Variants in ZNF385D observed in about 807,000 individuals in gnomAD.
ZNF385D encodes zinc finger protein 385D, also known as zinc finger protein 659.
A neutral mutation model predicts 35.8 loss-of-function variants in ZNF385D; 15 were observed. The ratio of observed to expected loss-of-function variants is 0.42; its 90% confidence interval spans 0.28 to 0.64. The LOEUF is 0.64. ZNF385D is among the 30% of genes least tolerant of loss of function. ZNF385D has a pLI of 0.23. For synonymous variants in ZNF385D, 212 were observed against 186.8 expected (o/e 1.13, Z -1.10); for missense variants, 474 against 494.6 (o/e 0.96, Z 0.39).
intron 2 of ZNF385D, among the ~76,000 whole-genome samples, chr3:21,569,922 A>AGGG (rs1575210384): frequency 4.3e-5 from 5 of 115,376 alleles, no homozygotes; most frequent in African/African-American, 1.0e-4. Context: ...GTGGGGGGGC[A>AGGG]GGGAGGGATA....
Position 21,572,174 on chromosome 3 carries a change from A to G in ZNF385D, c.166-7490T>C, listed in dbSNP as rs553195848. Among the ~76,000 whole-genome samples the G allele has an allele frequency of 1.6e-4, 25 of 152,312 alleles. 1 individual carries two copies. In the South Asian group the frequency reaches 2.1e-3, roughly 13 times the overall value. On this transcript the variant is annotated intron_variant, in intron 2 of 7. Transcript: ENST00000281523. ...CCCAGATGTAATACAAGAGGTCTAG[A>G]TACTACTATCACTTGGGAAATTTTC...
intron 2 of ZNF385D, among the ~76,000 whole-genome samples, chr3:22,318,871 C>T (rs774355068): frequency 6.2e-4 from 94 of 152,158 alleles, no homozygotes; most frequent in African/African-American, 9.2e-4. Flanking sequence ...CATTGGAAAT[C>T]GGAAAATCAA....
intron 5 of ZNF385D, among the ~76,000 whole-genome samples, chr3:21,426,014 T>C (rs1019944696): frequency 1.3e-5 from 2 of 152,184 alleles, no homozygotes; most frequent in Non-Finnish European, 2.9e-5. Context: ...TTCATTTCAT[T>C]TCCTCTTGAT....
intron 2 of ZNF385D, among the ~76,000 whole-genome samples, chr3:22,356,076 A>T (rs1696134754): frequency 6.6e-6 from 1 of 151,996 alleles, no homozygotes; most frequent in African/African-American, 2.4e-5. Flanking sequence ...TTGTGTAGGT[A>T]TATGAGTCTA....
intron 1 of ZNF385D, among the ~76,000 whole-genome samples, chr3:21,729,159 G>C (rs34704421): frequency 0.17 from 25,411 of 152,096 alleles, 2,586 homozygotes; most frequent in Admixed American, 0.3. Context: ...TGAGCAAGAG[G>C]TCTTCTACCA....
chr3:22,320,280 G>A lies in ZNF385D; in HGVS notation c.106+52170C>T, dbSNP rs115131025. ...TGATTAACAGAGATGAACCAAGGAA[G>A]GTTTGAATAGCATTAGTATTCTAGT... On this transcript the variant is annotated intron_variant, in intron 2 of 5. Coordinates refer to the ZNF385D transcript ENST00000494108. Among the ~76,000 whole-genome samples, 380 of 152,128 alleles carry A rather than the reference G, an allele frequency of 2.5e-3. 2 individuals carry two copies. Among genetic ancestry groups the A allele is most frequent in the African/African-American group, 9.1e-3 (376 of 41,512 alleles).
intron 2 of ZNF385D, among the ~76,000 whole-genome samples, chr3:21,614,959 G>A (rs1486076961): frequency 6.6e-6 from 1 of 152,186 alleles, no homozygotes; most frequent in Admixed American, 6.5e-5. Context: ...GTACTCACAG[G>A]AAAGCTAGGA....
intron 3 of ZNF385D, among the ~76,000 whole-genome samples, chr3:22,095,928 A>C (rs1701597559): frequency 6.6e-6 from 1 of 151,924 alleles, no homozygotes; most frequent in Non-Finnish European, 1.5e-5. Flanking sequence ...TCTACTAATG[A>C]CACAATGAAC....
intron 3 of ZNF385D, among the ~76,000 whole-genome samples, chr3:21,821,047 C>T (rs1014882536): frequency 6.6e-6 from 1 of 151,704 alleles, no homozygotes; most frequent in African/African-American, 2.4e-5. Context: ...TAAAAATATC[C>T]AACAGGTAAA....
intron 3 of ZNF385D, among the ~76,000 whole-genome samples, chr3:22,110,732 T>C (rs1022662845): frequency 1.3e-5 from 2 of 151,418 alleles, no homozygotes; most frequent in South Asian, 2.1e-4. Context: ...GGCACATGTA[T>C]ACATATGTAA....
chr3:21,729,182 T>C (rs941158752), intron 1 of ZNF385D, among the ~76,000 whole-genome samples: 1 of 152,196 alleles, frequency 6.6e-6, no homozygotes, highest in African/African-American at 2.4e-5. Flanking sequence ...CTGGTTTTAC[T>C]GATGGCAAAA....
At chr3:22,208,747 G>A (rs56286006) in intron 2 of ZNF385D, among the ~76,000 whole-genome samples, 18,932 of 151,546 alleles carry the variant, frequency 0.12, 1,271 homozygotes, top group Middle Eastern at 0.18. Context: ...TAATTATTCA[G>A]TATGCACAAT....
intron 4 of ZNF385D, among the ~76,000 whole-genome samples, chr3:21,482,294 CTG>C (rs1209125187): frequency 9.4e-6 from 1 of 106,276 alleles, no homozygotes; most frequent in Non-Finnish European, 2.1e-5. Flanking sequence ...AATACACTGT[CTG>C]TTTTTCTAAA....
intron 1 of ZNF385D, among the ~76,000 whole-genome samples, chr3:21,706,469 T>C (rs1049801154): frequency 3.3e-5 from 5 of 152,216 alleles, no homozygotes; most frequent in Admixed American, 6.5e-5. Flanking sequence ...AGTTGTAGCA[T>C]ACTTACAATT....
intron 3 of ZNF385D, among the ~76,000 whole-genome samples, chr3:21,985,370 G>T (rs1296005421): frequency 6.9e-5 from 8 of 116,206 alleles, no homozygotes; most frequent in South Asian, 3.1e-4. Flanking sequence ...AGAGTTTTTA[G>T]CATGAAGGGT....
chr3:22,224,235 ATG>A lies in ZNF385D; in HGVS notation c.107-55202_107-55201del, dbSNP rs1316729568. Among the ~76,000 whole-genome samples the A allele has an allele frequency of 1.2e-4, 18 of 152,318 alleles. 1 individual carries two copies. The highest frequency in any genetic ancestry group is 3.4e-3 in the Middle Eastern group (1 of 294). ...AGATGAAGAAAGTGTTATTTCATCC[ATG>A]AAAAGAGATATAATTAAACTGAAGT... On this transcript the variant is annotated intron_variant, in intron 2 of 5. Transcript: ENST00000494108.
At chr3:21,570,169 C>T (rs2063293078) in intron 2 of ZNF385D, among the ~76,000 whole-genome samples, 1 of 152,000 alleles carries the variant, frequency 6.6e-6, no homozygotes, top group Non-Finnish European at 1.5e-5. Flanking sequence ...ACACGCTTAC[C>T]CAAACTCTAG....
intron 2 of ZNF385D, among the ~76,000 whole-genome samples, chr3:22,250,724 G>GTTTT (rs1700018903): frequency 6.6e-6 from 1 of 152,028 alleles, no homozygotes; most frequent in Admixed American, 6.6e-5. Context: ...AGCCTGCCCT[G>GTTTT]GCTACAAAAC....
intron 3 of ZNF385D, among the ~76,000 whole-genome samples, chr3:22,135,042 G>C (rs1290316396): frequency 6.6e-6 from 1 of 152,050 alleles, no homozygotes; most frequent in African/African-American, 2.4e-5. Context: ...GAGAATCATA[G>C]TAGAACTCTT....
Sources: gnomAD v4.1 joint callset for allele counts (sites outside exome capture counted in the v4.1 genomes callset) on GRCh38, gnomAD v4.1.1 for gene constraint, MANE v1.5 for transcripts, NCBI Gene and HGNC (gene_info 2026-07-23, HGNC 2026-07-21) for gene names.